Variants in NEDD1 observed in about 807,000 individuals in gnomAD.
The protein encoded by NEDD1 is protein NEDD1.
NEDD1 carries 33 observed loss-of-function variants against 74.0 expected under a neutral mutation model. The observed-to-expected ratio is 0.45, with a 90% CI of 0.34 to 0.60. The LOEUF is 0.60. Ranked by LOEUF, NEDD1 falls within the 20% of genes least tolerant of loss-of-function variation. The pLI, the probability that NEDD1 is intolerant of heterozygous loss-of-function variation, is 0.01. For missense variants in NEDD1, 746 were observed against 776.5 expected (o/e 0.96, Z 0.47); for synonymous variants, 250 against 264.4 (o/e 0.95, Z 0.53).
intron 6 of NEDD1, 58 bp from the exon 7 acceptor site, chr12:96,934,918 A>G: frequency 9.0e-7 from 1 of 1,106,708 alleles, no homozygotes; most frequent in Non-Finnish European, 1.4e-6. Flanking sequence ...TATGGCTTAT[A>G]TCAAATGTCC....
chr12:96,949,597 A>T (rs948432447), intron 14 of NEDD1, among the ~76,000 whole-genome samples: 1 of 152,150 alleles, frequency 6.6e-6, no homozygotes, highest in Admixed American at 6.5e-5. Context: ...AGAATAACTA[A>T]GACATTTCAG....
chr12:96,920,952 A>G (rs1875013789), intron 6 of NEDD1, among the ~76,000 whole-genome samples: 1 of 152,206 alleles, frequency 6.6e-6, no homozygotes, highest in African/African-American at 2.4e-5. Context: ...ATATTGGGGA[A>G]TAATACAGAT....
chr12:96,908,966 C>T (rs549224824), intron 2 of NEDD1, among the ~76,000 whole-genome samples: 12 of 152,140 alleles, frequency 7.9e-5, no homozygotes, highest in African/African-American at 2.9e-4. Context: ...CACCTGAGGT[C>T]AGGAGTTCGA....
At chr12:96,930,760 C>T (rs1876370758) in intron 6 of NEDD1, among the ~76,000 whole-genome samples, 1 of 152,120 alleles carries the variant, frequency 6.6e-6, no homozygotes, top group Non-Finnish European at 1.5e-5. Context: ...CAAGGACCAA[C>T]CCTGAGTGTG....
At chr12:96,934,914 T>A in intron 6 of NEDD1, 62 bp from the exon 7 acceptor site, 1 of 1,050,362 alleles carries the variant, frequency 9.5e-7, no homozygotes, top group South Asian at 1.3e-5. Context: ...TTTATATGGC[T>A]TATATCAAAT....
intron 2 of NEDD1, among the ~76,000 whole-genome samples, chr12:96,908,360 G>C (rs972603660): frequency 1.3e-5 from 2 of 152,110 alleles, no homozygotes; most frequent in Non-Finnish European, 2.9e-5. Flanking sequence ...TTGGTGACTC[G>C]GGGACCTGCC....
chr12:96,943,568 T>C lies in NEDD1; in HGVS notation c.1303T>C (p.Phe435Leu). 6.2e-7 allele frequency: 1 copy of C among 1,612,444 alleles called. No individual in the cohort carries two copies. The highest frequency in any genetic ancestry group is 1.1e-5 in the South Asian group (1 of 90,904). Residue 435 changes from phenylalanine to leucine, a missense_variant, in exon 12 of 16, where the codon TTT becomes CTT. Coordinates refer to ENST00000266742, the MANE Select transcript of NEDD1 (RefSeq NM_152905.4). ...ESIGKGDGFD[F>L]LPQLNSVFPP... ...GTTTTTCCCTTTTCCAGGCTTTGAC[T>C]TTCTACCGCAGTTGAACTCAGTGTT...
intron 6 of NEDD1, among the ~76,000 whole-genome samples, chr12:96,922,716 G>A (rs909693054): frequency 4.6e-5 from 7 of 152,130 alleles, no homozygotes; most frequent in South Asian, 2.1e-4. Context: ...TTATGTATAC[G>A]TAAATACATT....
rs568188370 is a variant in NEDD1 at position 96,946,142 on chromosome 12, A to C, written c.1811+293A>C. Among the ~76,000 whole-genome samples the C allele has an allele frequency of 1.6e-4, 24 of 152,228 alleles. No individual in the cohort carries two copies. The East Asian group carries it at 4.6e-3, about 29-fold the overall frequency. On this transcript the variant is annotated intron_variant, in intron 14 of 15. Transcript: ENST00000266742. ...ATTAAAATGTGGACAAGTTCTGGTA[A>C]GCTTAAATTGGGTTCTTAACCTGCA...
chr12:96,913,055 C>T (rs1405872461), intron 4 of NEDD1, among the ~76,000 whole-genome samples: 1 of 152,104 alleles, frequency 6.6e-6, no homozygotes, highest in Non-Finnish European at 1.5e-5. Flanking sequence ...GTTGACTAGG[C>T]ACTTCATTTC....
In NEDD1 at chr12:96,912,789, C is replaced by A; in HGVS notation, c.203C>A (p.Pro68His). 1 of 1,605,730 alleles carries A rather than the reference C, an allele frequency of 6.2e-7. No homozygotes were observed. The highest frequency in any genetic ancestry group is 8.5e-7 in the Non-Finnish European group (1 of 1,173,836). ...KIVVSSCKCK[P>H]VPLLELAEGQ... ...GTTGTCTCAAGTTGCAAATGTAAAC[C>A]TGTTCCACTTTTAGAGCTTGCTGAA... Residue 68 changes from proline (P) to histidine (H), a missense_variant, in exon 4 of 16, where the codon CCT (proline) becomes CAT (histidine). Transcript: ENST00000266742.
chr12:96,939,164 AGTT>A (rs1478156243), intron 9 of NEDD1, among the ~76,000 whole-genome samples: 1 of 152,038 alleles, frequency 6.6e-6, no homozygotes, highest in Non-Finnish European at 1.5e-5. Context: ...CTTCTATTGA[AGTT>A]GTCCTGATTC....
chr12:96,907,827 C>T lies in NEDD1; in HGVS notation c.-38C>T, dbSNP rs1162511387. 8 of 1,433,906 alleles carry T rather than the reference C, an allele frequency of 5.6e-6. No homozygotes were observed. The highest frequency in any genetic ancestry group is 7.3e-6 in the Non-Finnish European group (8 of 1,092,956). 88.8% of individuals were successfully genotyped at this position (1,433,906 alleles called of 1,614,324 possible). A position where few individuals can be genotyped will look rare whatever the true frequency, so the allele number is the denominator to read the frequency against. The stretch of plus-strand genomic sequence containing the variant: ...TTTGAGGGACTCATGTAAAGTCTCT[C>T]CCTTAATGCTCAGTTCTTAGAAGAC... On this transcript the variant is annotated 5_prime_UTR_variant, in exon 2 of 16. Transcript: ENST00000266742.
At chr12:96,923,811 TGTGTGTGTGTG>T (rs1202646103) in intron 6 of NEDD1, among the ~76,000 whole-genome samples, 1 of 151,274 alleles carries the variant, frequency 6.6e-6, no homozygotes, top group African/African-American at 2.4e-5. Flanking sequence ...TGTGTGTGTG[TGTGTGTGTGTG>T]TGTGTGTGAA....
chr12:96,935,229 T>C (rs1332364274), intron 7 of NEDD1, 24 bp downstream of exon 7: 1 of 1,279,996 alleles, frequency 7.8e-7, no homozygotes, highest in African/African-American at 1.5e-5. Context: ...GCTTATTTCT[T>C]AATTTAGTAA....
Position 96,940,529 on chromosome 12 carries a change from T to G in NEDD1, c.1238T>G (p.Ile413Ser). 1 of 1,602,726 alleles carries G rather than the reference T, an allele frequency of 6.2e-7. No individual in the cohort carries two copies. Residue 413 changes from isoleucine (I) to serine (S), a missense_variant, in exon 10 of 16, where the codon ATC becomes AGC. By Grantham distance (142) the Ile-to-Ser change is moderately radical. This residue lies in a region of NEDD1 where 706 missense variants were observed against 706.7 expected (regional missense o/e 1.00). Coordinates refer to ENST00000266742, the MANE Select transcript of NEDD1 (RefSeq NM_152905.4). ...KSSLGDMFSP[I>S]RDDAVVNKGS... ...AGTTTAGGTGACATGTTCTCACCTA[T>G]CAGAGATGGTAAGTCTGTTCAGAGG...
At chr12:96,938,467 A>G (rs1194623819) in intron 9 of NEDD1, among the ~76,000 whole-genome samples, 1 of 152,076 alleles carries the variant, frequency 6.6e-6, no homozygotes, top group Admixed American at 6.6e-5. Context: ...AGATTCTCTC[A>G]TTCACTGTAA....
At chr12:96,925,392 C>T (rs1210696524) in intron 6 of NEDD1, among the ~76,000 whole-genome samples, 14 of 152,150 alleles carry the variant, frequency 9.2e-5, no homozygotes, top group Middle Eastern at 3.4e-3. Context: ...TACATTGTCT[C>T]GTTTAATCTT....
chr12:96,937,597 CT>C (rs1877261427), intron 9 of NEDD1, among the ~76,000 whole-genome samples: 1 of 151,934 alleles, frequency 6.6e-6, no homozygotes, highest in African/African-American at 2.4e-5. Flanking sequence ...ATAAAAGGCC[CT>C]TATTGTTTAG....
Sources: gnomAD v4.1 joint callset for allele counts (sites outside exome capture counted in the v4.1 genomes callset) on GRCh38, gnomAD v4.1.1 for gene constraint, gnomAD v4.1.1 regional missense constraint, MANE v1.5 for transcripts, NCBI Gene and HGNC (gene_info 2026-07-23, HGNC 2026-07-21) for gene names.